Variants in LRRC37B observed in about 807,000 individuals in gnomAD.
LRRC37B encodes leucine rich repeat containing 37B.
A neutral mutation model predicts 98.3 loss-of-function variants in LRRC37B; 28 were observed. The ratio of observed to expected loss-of-function variants is 0.28; its 90% confidence interval spans 0.21 to 0.39. LRRC37B has a LOEUF of 0.39. LRRC37B is among the 10% of genes least tolerant of loss of function. The probability of loss-of-function intolerance (pLI) is 1.00; values close to 1 mark genes in which losing one functional copy is unlikely to be tolerated. For synonymous variants in LRRC37B, 364 were observed against 442.7 expected (o/e 0.82, Z 2.23); for missense variants, 938 against 1,182.7 (o/e 0.79, Z 3.03).
chr17:32,030,339 T>G (rs1256262176), intron 3 of LRRC37B, among the ~76,000 whole-genome samples: 1 of 151,890 alleles, frequency 6.6e-6, no homozygotes, highest in Admixed American at 6.6e-5. Flanking sequence ...AAACTATATA[T>G]AGAGATAAAA....
intron 7 of LRRC37B, among the ~76,000 whole-genome samples, chr17:32,037,714 A>G (rs929283320): frequency 6.6e-6 from 1 of 152,180 alleles, no homozygotes; most frequent in African/African-American, 2.4e-5. Context: ...TCTTTACTGT[A>G]CTGTTCAAAT....
At chr17:32,032,109 G>A (rs1324395270) in intron 5 of LRRC37B, among the ~76,000 whole-genome samples, 8 of 152,030 alleles carry the variant, frequency 5.3e-5, no homozygotes, top group Non-Finnish European at 8.8e-5. Context: ...CTCTACTAAC[G>A]ATACAAAAAT....
intron 7 of LRRC37B, among the ~76,000 whole-genome samples, chr17:32,039,600 A>ATT (rs1266037928): frequency 7.6e-6 from 1 of 131,998 alleles, no homozygotes; most frequent in South Asian, 2.3e-4. Flanking sequence ...ATTTATATAT[A>ATT]TTATATATAT....
In LRRC37B at chr17:32,022,593, C is replaced by T. The variant is rs771324409; in HGVS notation, c.1528C>T (p.Arg510Ter). The change falls in exon 1 of 12, where the codon CGA becomes TGA. Residue 510 changes from arginine to a stop codon, truncating the protein, a stop_gained. Coordinates refer to ENST00000327564, the Ensembl canonical transcript of LRRC37B. LOFTEE classifies it high-confidence loss of function. ...TCCAGACCAGGTTCAGACTCTGCAT[C>T]GAAGCCTGACTGAAGTCACAGGTCC... The T allele has an allele frequency of 3.1e-6, 5 of 1,613,998 alleles. No individual in the cohort carries two copies. Among genetic ancestry groups the T allele is most frequent in the Non-Finnish European group, 4.2e-6 (5 of 1,179,868 alleles).
At chr17:32,042,723 A>G (rs1242359522) in intron 7 of LRRC37B, 2 of 152,324 alleles carry the variant, frequency 1.3e-5, no homozygotes, top group Non-Finnish European at 2.9e-5. Context: ...TCGGCAGTAC[A>G]TGAAGGGCAC....
Position 32,021,621 on chromosome 17 carries a change from G to T in LRRC37B, c.556G>T (p.Asp186Tyr), listed in dbSNP as rs147293663. The T allele has an allele frequency of 1.4e-4, 220 of 1,614,238 alleles. No homozygotes were observed. The African/African-American group carries it at 2.7e-3, about 20-fold the overall frequency. Residue 186 changes from aspartate to tyrosine, a missense_variant, in exon 1 of 12, where the codon GAT becomes TAT. Transcript: ENST00000327564. ...TCGCCTCAAGTGGGTTCAAACTACAGATCTAGATCGGGCTGCAGGTCATCA... is the reference window on the plus strand; with the variant it reads ...TCGCCTCAAGTGGGTTCAAACTACATATCTAGATCGGGCTGCAGGTCATCA...
intron 3 of LRRC37B, among the ~76,000 whole-genome samples, chr17:32,029,549 C>T (rs897797895): frequency 5.9e-4 from 90 of 152,134 alleles, no homozygotes; most frequent in East Asian, 2.7e-3. Context: ...GTTACTAGAA[C>T]AATCCCATTT....
chr17:32,037,916 G>T (rs1221229250), intron 7 of LRRC37B, among the ~76,000 whole-genome samples: 3 of 151,830 alleles, frequency 2.0e-5, no homozygotes, highest in African/African-American at 7.3e-5. Flanking sequence ...GACCATCCTG[G>T]CTAACACAGT....
At chr17:32,053,210 T>C (rs1207805578) in intron 11 of LRRC37B, 56 bp from the exon 15 acceptor site, 2 of 1,170,682 alleles carry the variant, frequency 1.7e-6, no homozygotes, top group Admixed American at 2.0e-5. Flanking sequence ...TGAATACACA[T>C]TGGAGATAGT....
chr17:32,031,670 C>A (rs1358919701), intron 5 of LRRC37B, among the ~76,000 whole-genome samples: 1 of 151,648 alleles, frequency 6.6e-6, no homozygotes, highest in African/African-American at 2.4e-5. Flanking sequence ...TAGTTCTGAC[C>A]TATGGCATGG....
upstream of LRRC37B, among the ~76,000 whole-genome samples, chr17:32,020,527 CCCT>C (rs769695507): frequency 1.3e-4 from 20 of 152,124 alleles, no homozygotes; most frequent in Admixed American, 2.0e-4. Context: ...CCCCCAACAC[CCCT>C]CCTACAGAAA....
chr17:32,032,296 C>T (rs1370124681), intron 5 of LRRC37B, among the ~76,000 whole-genome samples: 1 of 151,752 alleles, frequency 6.6e-6, no homozygotes, highest in Non-Finnish European at 1.5e-5. Flanking sequence ...CCCACCTTAG[C>T]CTCCCAAAGT....
At position 32,022,368 on chromosome 17, in the gene LRRC37B, C is replaced by T; in HGVS notation, c.1303C>T (p.His435Tyr). 3 of 1,613,950 alleles carry T rather than the reference C, an allele frequency of 1.9e-6. No homozygotes were observed. In the East Asian group the frequency reaches 6.7e-5, roughly 36 times the overall value. Residue 435 changes from histidine (H) to tyrosine (Y), a missense_variant, in exon 1 of 12, where the codon CAT (histidine) becomes TAT (tyrosine). Coordinates refer to ENST00000327564, the Ensembl canonical transcript of LRRC37B. ...ACCTTCAGACAAGGGTCAGGCTCAGCATTCACACCTGACTGAAGCCACAGT... is the reference window on the plus strand; with the variant it reads ...ACCTTCAGACAAGGGTCAGGCTCAGTATTCACACCTGACTGAAGCCACAGT...
intron 1 of LRRC37B, among the ~76,000 whole-genome samples, chr17:32,013,390 T>C (rs1470597816): frequency 2.0e-5 from 3 of 152,200 alleles, no homozygotes; most frequent in Middle Eastern, 3.2e-3. Flanking sequence ...TAATGTGTGT[T>C]GGACCATTTA....
At chr17:32,035,582 A>G in exon 7 of LRRC37B, 1 of 1,612,634 alleles carries the variant, frequency 6.2e-7, no homozygotes, top group Non-Finnish European at 8.5e-7. Flanking sequence ...GGAACAACAC[A>G]CATCACACTT....
At chr17:32,041,948 G>A (rs1911452262) in intron 7 of LRRC37B, 1 of 397,418 alleles carries the variant, frequency 2.5e-6, no homozygotes, top group Non-Finnish European at 5.0e-6. Context: ...AACAGGCTTG[G>A]ATCGAGTGTC....
chr17:32,051,493 A>T (rs1270110309), intron 11 of LRRC37B: 8 of 151,696 alleles, frequency 5.3e-5, no homozygotes. Flanking sequence ...AAAAAAAAAA[A>T]AAAAAAGAAA....
At position 32,032,997 on chromosome 17, in the gene LRRC37B, G is replaced by C. The variant is rs527819904; in HGVS notation, c.2057+1539G>C. ...TGACCAACATGGTGAAACCCCGTCT[G>C]TACTAAAAATACAAAAATTAGCTGG... On this transcript the variant is annotated intron_variant, in intron 5 of 11. Coordinates refer to ENST00000327564, the Ensembl canonical transcript of LRRC37B. 7.2e-5 allele frequency among the ~76,000 whole-genome samples: 11 copies of C among 152,174 alleles called. No homozygotes were observed. The East Asian group carries it at 1.4e-3, about 19-fold the overall frequency.
At chr17:32,021,930 C>G in exon 1 of LRRC37B, 1 of 1,614,150 alleles carries the variant, frequency 6.2e-7, no homozygotes, top group Non-Finnish European at 8.5e-7. Flanking sequence ...TCAATTCCAT[C>G]TAGAGCCCAA....
Sources: allele counts gnomAD v4.1 joint callset (sites outside exome capture counted in the v4.1 genomes callset), GRCh38; gene constraint gnomAD v4.1.1; transcripts MANE v1.5; gene names NCBI Gene and HGNC (gene_info 2026-07-23, HGNC 2026-07-21).